The following SOX5 variants were observed in gnomAD, a reference collection of about 807,000 sequenced individuals.
SOX5 encodes the protein SRY-box transcription factor 5, also known as transcription factor SOX-5.
SOX5 carries 9 observed loss-of-function variants against 92.0 expected under a neutral mutation model. The observed-to-expected ratio is 0.10, with a 90% CI of 0.06 to 0.17. The LOEUF (loss-of-function observed/expected upper bound fraction) is 0.17, where lower values mean the gene tolerates loss of function less well. Among genes scored for constraint, SOX5 ranks in the 10% least tolerant of loss-of-function variants. The pLI is 1.00. For synonymous variants in SOX5, 344 were observed against 336.3 expected (o/e 1.02, Z -0.25); for missense variants, 642 against 944.5 (o/e 0.68, Z 4.20).
chr12:23,676,561 G>A (rs1168587829), intron 6 of SOX5, among the ~76,000 whole-genome samples: 3 of 89,474 alleles, frequency 3.4e-5, no homozygotes, highest in South Asian at 3.5e-4. Context: ...AACGAATAAG[G>A]CAAGTGCTGT....
intron 3 of SOX5, among the ~76,000 whole-genome samples, chr12:24,268,115 G>A (rs7138087): frequency 0.021 from 3,183 of 152,204 alleles, 117 homozygotes; most frequent in African/African-American, 0.073. Flanking sequence ...GTTGATGTAC[G>A]TTTTGAAATT....
rs193261216 is a variant in SOX5, at chr12:24,022,174, A to C, written c.-1-126150T>G. 1.8e-3 allele frequency among the ~76,000 whole-genome samples: 270 copies of C among 152,324 alleles called. 4 individuals are homozygous for C. Among genetic ancestry groups the C allele is most frequent in the Non-Finnish European group, 2.5e-4 (17 of 68,026 alleles). ...TCTCACGTGTTATTTAGGAGAATAC[A>C]TGATAGCATGAGGTTTTATCCTATT... On this transcript the variant is annotated intron_variant, in intron 4 of 4. Transcript: ENST00000446891.
chr12:24,236,732 T>C (rs2140011909), intron 3 of SOX5, among the ~76,000 whole-genome samples: 1 of 152,314 alleles, frequency 6.6e-6, no homozygotes, highest in Middle Eastern at 3.4e-3. Flanking sequence ...TGAAGTGAAT[T>C]CAGTTCTTGT....
At chr12:23,900,297 T>A (rs1025966105) in intron 1 of SOX5, among the ~76,000 whole-genome samples, 1 of 152,150 alleles carries the variant, frequency 6.6e-6, no homozygotes, top group African/African-American at 2.4e-5. Flanking sequence ...CCTTGTAGCA[T>A]CCTGCATAAT....
chr12:23,853,354 T>C (rs1038268977), intron 2 of SOX5, among the ~76,000 whole-genome samples: 1 of 151,688 alleles, frequency 6.6e-6, no homozygotes, highest in African/African-American at 2.4e-5. Flanking sequence ...TCATTTACAA[T>C]ATGAAAATAT....
At chr12:24,261,617 A>G (rs1363315848) in intron 3 of SOX5, among the ~76,000 whole-genome samples, 1 of 152,200 alleles carries the variant, frequency 6.6e-6, no homozygotes, top group African/African-American at 2.4e-5. Flanking sequence ...CTATTCACCA[A>G]ATTAGACAAG....
chr12:24,145,277 GC>G (rs1950963315), intron 4 of SOX5, among the ~76,000 whole-genome samples: 1 of 151,870 alleles, frequency 6.6e-6, no homozygotes, highest in Non-Finnish European at 1.5e-5. Flanking sequence ...CAAGTAATAA[GC>G]AAAAAACAAA....
chr12:24,157,587 C>A (rs981539635), intron 4 of SOX5, among the ~76,000 whole-genome samples: 2 of 152,076 alleles, frequency 1.3e-5, no homozygotes, highest in African/African-American at 4.8e-5. Context: ...GAAGATCCAG[C>A]TCATTACAGT....
chr12:24,287,592 C>CTTTTTT (rs763973565), intron 2 of SOX5, among the ~76,000 whole-genome samples: 42 of 79,682 alleles, frequency 5.3e-4, no homozygotes, highest in East Asian at 1.0e-3. Context: ...TTCTCAAATC[C>CTTTTTT]TTTTTTTTTT....
chr12:24,331,957 TA>T (rs1951384714), intron 2 of SOX5, among the ~76,000 whole-genome samples: 1 of 142,958 alleles, frequency 7.0e-6, no homozygotes. Context: ...TTATAGAATA[TA>T]AAAGAAACAC....
chr12:24,203,046 G>T (rs891441990), intron 4 of SOX5, among the ~76,000 whole-genome samples: 8 of 152,106 alleles, frequency 5.3e-5, no homozygotes, highest in Admixed American at 2.0e-4. Context: ...TTACCAAATG[G>T]TGACTTTCTA....
At chr12:24,128,524 A>G (rs964051304) in intron 4 of SOX5, among the ~76,000 whole-genome samples, 2 of 152,192 alleles carry the variant, frequency 1.3e-5, no homozygotes, top group African/African-American at 4.8e-5. Context: ...TCGAAACTTG[A>G]TATTTTGGCT....
chr12:23,827,468 A>G lies in SOX5; in HGVS notation c.481+18515T>C, dbSNP rs17475318. On this transcript the variant is annotated intron_variant, in intron 3 of 14. Transcript: ENST00000451604. ...CAAACAACTTCTATTGACCAAGAAT[A>G]GCACACAGTAAACACACCAAACAAA... Among the ~76,000 whole-genome samples the G allele has an allele frequency of 8.4e-3, 1,281 of 152,378 alleles. 9 individuals are homozygous for G. The highest frequency in any genetic ancestry group is 0.031 in the Middle Eastern group (9 of 294).
At chr12:24,557,081 C>G (rs1953863400) in intron 1 of SOX5, among the ~76,000 whole-genome samples, 1 of 152,002 alleles carries the variant, frequency 6.6e-6, no homozygotes, top group African/African-American at 2.4e-5. Context: ...GAAAGGGCAT[C>G]ATAATTTGCA....
Position 23,533,564 on chromosome 12 carries a change from T to C in SOX5, c.*655A>G, listed in dbSNP as rs930703245. 4.5e-5 allele frequency: 7 copies of C among 154,736 alleles called. No homozygotes were observed. The highest frequency in any genetic ancestry group is 1.7e-4 in the African/African-American group (7 of 41,460). The allele number at this position is 154,736 out of a possible 1,614,324, so 9.6% of individuals were successfully genotyped here. A position where few individuals can be genotyped will look rare whatever the true frequency, so the allele number is the denominator to read the frequency against. On this transcript the variant is annotated 3_prime_UTR_variant, in exon 15 of 15. Coordinates refer to ENST00000451604, the MANE Select transcript of SOX5 (RefSeq NM_006940.6). ...AAGTCCTCTAAAGAAAATAATTGCTTATTTTGTGGTGGATAGCAAGGAAGT... is the reference window on the plus strand; with the variant it reads ...AAGTCCTCTAAAGAAAATAATTGCTCATTTTGTGGTGGATAGCAAGGAAGT...
chr12:23,895,563 G>A (rs933585676), intron 2 of SOX5, among the ~76,000 whole-genome samples: 1 of 151,976 alleles, frequency 6.6e-6, no homozygotes, highest in Non-Finnish European at 1.5e-5. Flanking sequence ...TAATTAAATT[G>A]TAAGTGTCTC....
At chr12:24,355,952 T>C (rs1321904736) in intron 2 of SOX5, among the ~76,000 whole-genome samples, 1 of 152,228 alleles carries the variant, frequency 6.6e-6, no homozygotes, top group Non-Finnish European at 1.5e-5. Context: ...TGAGCATTTT[T>C]TTAAAAAATA....
chr12:24,455,696 A>C (rs1201738271), intron 1 of SOX5, among the ~76,000 whole-genome samples: 1 of 152,208 alleles, frequency 6.6e-6, no homozygotes, highest in Non-Finnish European at 1.5e-5. Flanking sequence ...GCTGAGTATG[A>C]GTCAATGACC....
chr12:23,556,621 C>A (rs1315821370), intron 11 of SOX5, among the ~76,000 whole-genome samples: 1 of 152,204 alleles, frequency 6.6e-6, no homozygotes, highest in Non-Finnish European at 1.5e-5. Flanking sequence ...TTCCTTTATA[C>A]AATTTTTCTC....
Sources: allele counts gnomAD v4.1 joint callset (sites outside exome capture counted in the v4.1 genomes callset), GRCh38; gene constraint gnomAD v4.1.1; transcripts MANE v1.5; gene names NCBI Gene and HGNC (gene_info 2026-07-23, HGNC 2026-07-21).